The following ATL2 variants were observed in gnomAD, a reference collection of about 807,000 sequenced individuals.
ATL2 encodes atlastin GTPase 2.
ATL2 carries 31 observed loss-of-function variants against 73.9 expected under a neutral mutation model. The observed-to-expected ratio is 0.42, with a 90% CI of 0.32 to 0.57. The LOEUF (loss-of-function observed/expected upper bound fraction) is 0.57, where lower values mean the gene tolerates loss of function less well. Among genes scored for constraint, ATL2 ranks in the 20% least tolerant of loss-of-function variants. The pLI, the probability that ATL2 is intolerant of heterozygous loss-of-function variation, is 0.14. For synonymous variants in ATL2, 291 were observed against 237.5 expected (o/e 1.23, Z -2.07); for missense variants, 738 against 702.6 (o/e 1.05, Z -0.57).
rs979064116 is a variant in ATL2, at chr2:38,294,247, C to T, written c.*1747G>A. Among the ~76,000 whole-genome samples the T allele has an allele frequency of 1.3e-5, 2 of 152,170 alleles. No individual in the cohort carries two copies. The highest frequency in any genetic ancestry group is 2.9e-5 in the Non-Finnish European group (2 of 68,032). ...TGCAACTCAACACCTGCATTCTCTT[C>T]GCTTAAAAAGCAAACTAAGGGCCGG... On this transcript the variant is annotated 3_prime_UTR_variant, in exon 13 of 13. Transcript: ENST00000378954.
intron 7 of ATL2, among the ~76,000 whole-genome samples, chr2:38,311,053 T>C (rs190178531): frequency 2.4e-4 from 37 of 152,212 alleles, no homozygotes; most frequent in Non-Finnish European, 1.0e-4. Flanking sequence ...GGCTGTGACT[T>C]ATACACCAGT....
At chr2:38,318,801 A>G in intron 3 of ATL2, 84 bp downstream of exon 3, 2 of 1,473,828 alleles carry the variant, frequency 1.4e-6, no homozygotes, top group Non-Finnish European at 1.9e-6. Flanking sequence ...TCAAACATTA[A>G]TAGTTCTGTG....
At chr2:38,377,074 C>A in intron 1 of ATL2, 69 bp downstream of exon 1, 2 of 1,473,996 alleles carry the variant, frequency 1.4e-6, no homozygotes, top group Admixed American at 1.9e-5. Flanking sequence ...GCGGCCGGTG[C>A]CCGCGAGCCC....
chr2:38,339,374 G>A lies in ATL2; in HGVS notation c.363+3894C>T, dbSNP rs144435239. On this transcript the variant is annotated intron_variant, in intron 2 of 12. Transcript: ENST00000378954. The stretch of plus-strand genomic sequence containing the variant: ...ATGGAAAAACTGCAGAAGCCGGAAC[G>A]AAGTCAAGGACTTAGTTAATAGTAA... Among the ~76,000 whole-genome samples, 197 of 152,252 alleles carry A rather than the reference G, an allele frequency of 1.3e-3. 2 individuals are homozygous for A. Among genetic ancestry groups the A allele is most frequent in the African/African-American group, 4.5e-3 (188 of 41,556 alleles).
At chr2:38,351,246 T>A (rs1268500448) in intron 1 of ATL2, among the ~76,000 whole-genome samples, 1 of 152,058 alleles carries the variant, frequency 6.6e-6, no homozygotes. Flanking sequence ...GAAAACAGTA[T>A]CTAAGTATTC....
intron 12 of ATL2, among the ~76,000 whole-genome samples, chr2:38,297,558 C>T (rs952893945): frequency 2.0e-5 from 3 of 152,142 alleles, no homozygotes; most frequent in Admixed American, 6.5e-5. Flanking sequence ...TAAAAGATTA[C>T]GACGGAGCAT....
At chr2:38,375,937 G>A (rs1399233357) in intron 1 of ATL2, among the ~76,000 whole-genome samples, 1 of 152,144 alleles carries the variant, frequency 6.6e-6, no homozygotes, top group Non-Finnish European at 1.5e-5. Context: ...GAACTACCAG[G>A]AATGATGAAG....
intron 2 of ATL2, among the ~76,000 whole-genome samples, chr2:38,326,332 T>G (rs1047819833): frequency 6.6e-6 from 1 of 152,178 alleles, no homozygotes; most frequent in Non-Finnish European, 1.5e-5. Context: ...CCAACTAGAT[T>G]AACATATAAC....
rs141411128 is a variant in ATL2, at chr2:38,299,764, T to C, written c.1129-437A>G. Among the ~76,000 whole-genome samples the C allele has an allele frequency of 2.9e-4, 44 of 152,164 alleles. 1 individual carries two copies. The highest frequency in any genetic ancestry group is 9.9e-4 in the African/African-American group (41 of 41,522). ...AAATACTGTTTAATCTACTATAAAA[T>C]GGAAAAATAGCCTAAAGTAGTAAAT... On this transcript the variant is annotated intron_variant, in intron 10 of 12. Coordinates refer to ENST00000378954, the MANE Select transcript of ATL2 (RefSeq NM_001135673.4).
At chr2:38,325,906 TAAAAAAA>T (rs761254087) in intron 2 of ATL2, among the ~76,000 whole-genome samples, 4 of 52,028 alleles carry the variant, frequency 7.7e-5, no homozygotes, top group South Asian at 7.5e-4. Flanking sequence ...TTTGTTTGTT[TAAAAAAA>T]AAAAAAAAAA....
chr2:38,310,140 T>C (rs539896180), intron 8 of ATL2, among the ~76,000 whole-genome samples, 169 bp downstream of exon 8: 2 of 152,278 alleles, frequency 1.3e-5, no homozygotes, highest in South Asian at 4.1e-4. Context: ...TGCAAACAAA[T>C]CAATGGAATG....
At chr2:38,329,618 CA>C (rs1190424635) in intron 2 of ATL2, among the ~76,000 whole-genome samples, 2 of 151,598 alleles carry the variant, frequency 1.3e-5, no homozygotes, top group African/African-American at 4.8e-5. Context: ...ACCCTAATAC[CA>C]AAACCAGACA....
intron 2 of ATL2, among the ~76,000 whole-genome samples, chr2:38,319,850 G>A (rs926884344): frequency 9.9e-5 from 15 of 152,132 alleles, no homozygotes; most frequent in African/African-American, 3.4e-4. Context: ...GCTCATGCCT[G>A]TAACCCTAGC....
chr2:38,337,486 CAAAAAAAAAA>C (rs755029194), intron 2 of ATL2, among the ~76,000 whole-genome samples: 359 of 21,652 alleles, frequency 0.017, 2 homozygotes, highest in Non-Finnish European at 0.023. Flanking sequence ...ACTCTGTCTC[CAAAAAAAAAA>C]AAAAAAAAAA....
chr2:38,367,626 T>A (rs1173305035), intron 1 of ATL2, among the ~76,000 whole-genome samples: 1 of 129,214 alleles, frequency 7.7e-6, no homozygotes. Flanking sequence ...ACCGCCCATT[T>A]AAAACAACTT....
intron 8 of ATL2, 137 bp downstream of exon 8, chr2:38,310,172 T>A (rs953168805): frequency 3.0e-6 from 3 of 999,890 alleles, no homozygotes; most frequent in African/African-American, 3.3e-5. Flanking sequence ...ACACAGAGCA[T>A]TACAACCACA....
chr2:38,329,438 A>AAAAAAAAAAAAAAAAAAAAAAAAAAAAAC (rs1668856888), intron 2 of ATL2, among the ~76,000 whole-genome samples: 1 of 147,058 alleles, frequency 6.8e-6, no homozygotes, highest in Non-Finnish European at 1.5e-5. Context: ...AAAAAAAAAA[A>AAAAAAAAAAAAAAAAAAAAAAAAAAAAAC]AAAAAAAAAA....
chr2:38,324,162 C>CA (rs1261845998), intron 2 of ATL2, among the ~76,000 whole-genome samples: 1 of 152,192 alleles, frequency 6.6e-6, no homozygotes, highest in Non-Finnish European at 1.5e-5. Context: ...CCTGTAATCT[C>CA]AGCTACTCGG....
At chr2:38,377,373 T>C (rs1395174185), upstream of ATL2, 5 of 795,374 alleles carry the variant, frequency 6.3e-6, no homozygotes, top group African/African-American at 4.1e-5. Context: ...TCTCCGCCTG[T>C]ATCTCCTCGC....
Sources: gnomAD v4.1 joint callset for allele counts (sites outside exome capture counted in the v4.1 genomes callset) on GRCh38, gnomAD v4.1.1 for gene constraint, MANE v1.5 for transcripts, NCBI Gene and HGNC (gene_info 2026-07-23, HGNC 2026-07-21) for gene names.